The following ZNF804B variants were observed in gnomAD, a reference collection of about 807,000 sequenced individuals.
ZNF804B encodes zinc finger 804B.
Under a neutral mutation model 101.4 loss-of-function variants are expected in ZNF804B, and 80 were observed. The observed-to-expected ratio is 0.79, with a 90% CI of 0.66 to 0.95. ZNF804B has a LOEUF of 0.95. ZNF804B is among the 40% of genes least tolerant of loss of function. ZNF804B has a pLI of 0.00. For synonymous variants in ZNF804B, 622 were observed against 558.8 expected (o/e 1.11, Z -1.59); for missense variants, 1,673 against 1,561.9 (o/e 1.07, Z -1.20).
chr7:88,774,763 A>T (rs967617666), intron 1 of ZNF804B, among the ~76,000 whole-genome samples: 1 of 152,178 alleles, frequency 6.6e-6, no homozygotes, highest in East Asian at 1.9e-4. Context: ...TTCTGCTTTG[A>T]TGGGGTAGGT....
intron 2 of ZNF804B, among the ~76,000 whole-genome samples, chr7:89,292,759 T>C (rs977418619): frequency 6.6e-6 from 1 of 152,040 alleles, no homozygotes; most frequent in Admixed American, 6.5e-5. Context: ...TAAAATTATC[T>C]TAATGTAATG....
intron 1 of ZNF804B, among the ~76,000 whole-genome samples, chr7:89,155,601 T>C (rs1228321477): frequency 6.6e-6 from 1 of 152,172 alleles, no homozygotes; most frequent in Non-Finnish European, 1.5e-5. Flanking sequence ...CTGAATCAGG[T>C]ATGTATCATG....
intron 1 of ZNF804B, among the ~76,000 whole-genome samples, chr7:89,016,450 C>G (rs1269507988): frequency 6.6e-6 from 1 of 151,588 alleles, no homozygotes; most frequent in Admixed American, 6.6e-5. Flanking sequence ...AGGTTTTCTT[C>G]TAGGGTTTTT....
At chr7:89,292,869 C>CA (rs1329688072) in intron 2 of ZNF804B, among the ~76,000 whole-genome samples, 1 of 151,684 alleles carries the variant, frequency 6.6e-6, no homozygotes, top group Non-Finnish European at 1.5e-5. Context: ...GAAATAGCAT[C>CA]AAAAAACCTA....
intron 2 of ZNF804B, among the ~76,000 whole-genome samples, chr7:89,275,258 T>C (rs1231967705): frequency 6.6e-6 from 1 of 151,986 alleles, no homozygotes; most frequent in Non-Finnish European, 1.5e-5. Context: ...TTTCTCTACT[T>C]TAAAAATTTA....
At chr7:88,882,320 G>A (rs945610064) in intron 1 of ZNF804B, among the ~76,000 whole-genome samples, 4 of 152,168 alleles carry the variant, frequency 2.6e-5, no homozygotes, top group South Asian at 2.1e-4. Context: ...AAACCACAAT[G>A]AAATACCATT....
intron 1 of ZNF804B, among the ~76,000 whole-genome samples, chr7:89,015,017 G>C (rs1388987444): frequency 6.6e-6 from 1 of 152,164 alleles, no homozygotes; most frequent in Middle Eastern, 3.4e-3. Context: ...ATTTTGAGTT[G>C]ATTTTTTGCA....
chr7:88,809,231 A>C (rs1294623289), intron 1 of ZNF804B, among the ~76,000 whole-genome samples: 1 of 152,158 alleles, frequency 6.6e-6, no homozygotes, highest in Non-Finnish European at 1.5e-5. Flanking sequence ...TTAAATAGAA[A>C]TCTTACCAAG....
chr7:89,058,690 T>TTTTG lies in ZNF804B; in HGVS notation c.109-159445_109-159442dup, dbSNP rs1295903199. Among the ~76,000 whole-genome samples the TTTTG allele has an allele frequency of 4.0e-5, 6 of 151,572 alleles. 1 individual carries two copies. The highest frequency in any genetic ancestry group is 7.3e-5 in the African/African-American group (3 of 41,306). On this transcript the variant is annotated intron_variant, in intron 1 of 3. Transcript: ENST00000333190. ...CCCTCAGAAATGTGGCAGTGAAGGG[T>TTTTG]TTTGTTTGTTTGTTTGTTTGTTTTT... is the stretch of plus-strand genomic sequence containing the variant.
chr7:88,760,746 T>C (rs1232968495), intron 1 of ZNF804B, among the ~76,000 whole-genome samples: 2 of 151,584 alleles, frequency 1.3e-5, no homozygotes, highest in East Asian at 1.9e-4. Flanking sequence ...TTTATTCACA[T>C]TCTTTTTATA....
At chr7:88,823,071 G>T (rs114591545) in intron 1 of ZNF804B, among the ~76,000 whole-genome samples, 2 of 152,062 alleles carry the variant, frequency 1.3e-5, no homozygotes, top group Non-Finnish European at 2.9e-5. Flanking sequence ...TTAGCCTGGC[G>T]TAGTGGCAGA....
At chr7:89,101,683 TATG>T (rs1473493440) in intron 1 of ZNF804B, among the ~76,000 whole-genome samples, 1 of 152,004 alleles carries the variant, frequency 6.6e-6, no homozygotes, top group Non-Finnish European at 1.5e-5. Flanking sequence ...TTAATTTATA[TATG>T]ATATTACAAA....
At position 89,211,201 on chromosome 7, in the gene ZNF804B, T is replaced by C. The variant is rs1466198124; in HGVS notation, c.109-6954T>C. On this transcript the variant is annotated intron_variant, in intron 1 of 3. Transcript: ENST00000333190. ...TTTTTAATAGGGTTGTTTGTTTTTT[T>C]CTTGTTAATTCGTTTAAGTTATTTG... Among the ~76,000 whole-genome samples the C allele has an allele frequency of 2.0e-5, 3 of 152,176 alleles. No individual in the cohort carries two copies. The East Asian group carries it at 5.8e-4, about 29-fold the overall frequency.
intron 1 of ZNF804B, among the ~76,000 whole-genome samples, chr7:89,135,386 A>G (rs1056627969): frequency 2.6e-5 from 4 of 151,998 alleles, no homozygotes; most frequent in African/African-American, 9.7e-5. Context: ...ATGATCACCT[A>G]CTAAGTCTGC....
chr7:88,808,382 CAA>C (rs77855035), intron 1 of ZNF804B, among the ~76,000 whole-genome samples: 18 of 81,238 alleles, frequency 2.2e-4, no homozygotes, highest in African/African-American at 1.7e-4. Flanking sequence ...GACATCATCT[CAA>C]AAAAAAAAAA....
intron 1 of ZNF804B, among the ~76,000 whole-genome samples, chr7:88,908,408 G>A (rs961956383): frequency 6.6e-6 from 1 of 151,492 alleles, no homozygotes; most frequent in South Asian, 2.1e-4. Context: ...AACACATATT[G>A]TACCTTTTCT....
At chr7:88,897,168 G>A (rs1008764377) in intron 1 of ZNF804B, among the ~76,000 whole-genome samples, 1 of 152,160 alleles carries the variant, frequency 6.6e-6, no homozygotes, top group African/African-American at 2.4e-5. Flanking sequence ...CGTAGCATAA[G>A]GAACTTTGCA....
At chr7:88,941,463 G>A (rs910119284) in intron 1 of ZNF804B, among the ~76,000 whole-genome samples, 2 of 151,940 alleles carry the variant, frequency 1.3e-5, no homozygotes, top group South Asian at 2.1e-4. Flanking sequence ...ATAAAAAGAC[G>A]TGGTGGAAAT....
chr7:89,270,125 A>G (rs1462699801), intron 2 of ZNF804B, among the ~76,000 whole-genome samples: 4 of 152,200 alleles, frequency 2.6e-5, no homozygotes, highest in Non-Finnish European at 5.9e-5. Context: ...TGTTCTAGAC[A>G]TGAAGTCCTT....
Sources: allele counts gnomAD v4.1 joint callset (sites outside exome capture counted in the v4.1 genomes callset), GRCh38; gene constraint gnomAD v4.1.1; transcripts MANE v1.5; gene names NCBI Gene and HGNC (gene_info 2026-07-23, HGNC 2026-07-21).